Variants in ANKRD27 observed in about 807,000 individuals in gnomAD.
The protein encoded by ANKRD27 is ankyrin repeat domain 27.
A neutral mutation model predicts 129.7 loss-of-function variants in ANKRD27; 112 were observed. That is an observed-to-expected ratio of 0.86 (90% CI 0.74 to 1.01). The LOEUF (loss-of-function observed/expected upper bound fraction) is 1.01. Among genes scored for constraint, ANKRD27 ranks in the 50% least tolerant of loss-of-function variants. The probability of loss-of-function intolerance (pLI) is 0.00; values close to 1 mark genes in which losing one functional copy is unlikely to be tolerated. For synonymous variants in ANKRD27, 516 were observed against 511.2 expected (o/e 1.01, Z -0.13); for missense variants, 1,258 against 1,300.5 (o/e 0.97, Z 0.50).
Position 32,658,381 on chromosome 19 carries a change from C to T in ANKRD27, c.102+533G>A, listed in dbSNP as rs138556560. The stretch of plus-strand genomic sequence containing the variant: ...CAGCGTCTCCTGCCTGCTTCTCATT[C>T]CTGTTACCTGGCTGCCCCTGAAGGC... On this transcript the variant is annotated intron_variant, in intron 2 of 28. Coordinates refer to ENST00000306065, the MANE Select transcript of ANKRD27 (RefSeq NM_032139.3). 2.0e-4 allele frequency among the ~76,000 whole-genome samples: 31 copies of T among 152,136 alleles called. No homozygotes were observed. The East Asian group carries it at 4.3e-3, about 21-fold the overall frequency.
intron 17 of ANKRD27, among the ~76,000 whole-genome samples, chr19:32,623,096 C>T (rs975882154): frequency 2.0e-5 from 3 of 152,094 alleles, no homozygotes; most frequent in African/African-American, 7.2e-5. Context: ...TCAGCCAGGA[C>T]ACCTCATGCT....
At position 32,642,163 on chromosome 19, in the gene ANKRD27, A is replaced by T; in HGVS notation, c.783-18T>A. ...TGTTAAAGCTGTAAAATAATTTGGA[A>T]AGTGACAACTTCAGAGCACAGTAAG... On this transcript the variant is annotated intron_variant, in intron 9 of 28. Coordinates refer to ENST00000306065, the MANE Select transcript of ANKRD27 (RefSeq NM_032139.3). 1 of 1,571,918 alleles carries T rather than the reference A, an allele frequency of 6.4e-7. No individual in the cohort carries two copies. The highest frequency in any genetic ancestry group is 8.7e-7 in the Non-Finnish European group (1 of 1,153,458).
intron 1 of ANKRD27, among the ~76,000 whole-genome samples, chr19:32,671,261 C>T (rs1967864503): frequency 6.6e-6 from 1 of 150,760 alleles, no homozygotes; most frequent in Non-Finnish European, 1.5e-5. Context: ...GCACTCTAGC[C>T]TAGGCGACAG....
chr19:32,610,127 T>C (rs891124071), intron 22 of ANKRD27, among the ~76,000 whole-genome samples: 2 of 152,062 alleles, frequency 1.3e-5, no homozygotes, highest in East Asian at 1.9e-4. Context: ...CTGGCCAACA[T>C]GGTGAAACTC....
At position 32,628,204 on chromosome 19, in the gene ANKRD27, T is replaced by C. The variant is rs760481583; in HGVS notation, c.1338-39A>G. On this transcript the variant is annotated intron_variant, in intron 14 of 28. Transcript: ENST00000306065. ...AGAGATAGAAAACTACACAGGGGAA[T>C]GGCACAGCAAAGCCTCTCCCTGACC... 9 of 1,573,850 alleles carry C rather than the reference T, an allele frequency of 5.7e-6. No homozygotes were observed. The African/African-American group carries it at 1.1e-4, about 19-fold the overall frequency.
In ANKRD27 at chr19:32,608,370, A is replaced by G. The variant is rs186010056; in HGVS notation, c.2176-538T>C. Reference sequence around the variant, plus strand: ...AGCCTCCAAATTTCCTTTGAGGGGCATGGCCACAGCCCCGCAAAGGCGACG... The same window carrying G: ...AGCCTCCAAATTTCCTTTGAGGGGCGTGGCCACAGCCCCGCAAAGGCGACG... On this transcript the variant is annotated intron_variant, in intron 22 of 28. Transcript: ENST00000306065. 872 of 318,706 alleles carry G rather than the reference A, an allele frequency of 2.7e-3. 6 individuals carry two copies. The highest frequency in any genetic ancestry group is 0.01 in the African/African-American group (457 of 44,848). The allele number at this position is 318,706 out of a possible 1,614,324, so 19.7% of individuals were successfully genotyped here. A position where few individuals can be genotyped will look rare whatever the true frequency, so the allele number is the denominator to read the frequency against.
chr19:32,607,909 C>G, intron 22 of ANKRD27, 77 bp from the exon 23 acceptor site: 1 of 1,396,052 alleles, frequency 7.2e-7, no homozygotes, highest in Non-Finnish European at 9.9e-7. Flanking sequence ...GCACCATGTG[C>G]CCCCCACAGC....
rs554616792 is a variant in ANKRD27 at position 32,658,820 on chromosome 19, G to A, written c.102+94C>T. 6.3e-6 allele frequency: 7 copies of A among 1,117,146 alleles called. No individual in the cohort carries two copies. In the East Asian group the frequency reaches 1.4e-4, roughly 23 times the overall value. The allele number at this position is 1,117,146 out of a possible 1,614,324, so 69.2% of individuals were successfully genotyped here. ...CACTGCTGGGAGCTTGTTAAGCTGA[G>A]TTTATAACAAACTCCCTCCAAACTG... is the stretch of plus-strand genomic sequence containing the variant. On this transcript the variant is annotated intron_variant, in intron 2 of 28. Transcript: ENST00000306065.
chr19:32,620,111 G>A (rs1365859102), intron 18 of ANKRD27, among the ~76,000 whole-genome samples: 1 of 152,102 alleles, frequency 6.6e-6, no homozygotes, highest in Non-Finnish European at 1.5e-5. Flanking sequence ...AGTCAGCTCT[G>A]CCTGCCAGAA....
chr19:32,665,050 C>T (rs1193578212), intron 1 of ANKRD27, among the ~76,000 whole-genome samples: 1 of 151,770 alleles, frequency 6.6e-6, no homozygotes, highest in East Asian at 1.9e-4. Context: ...TTCATGTGCT[C>T]AATAGCCACT....
intron 18 of ANKRD27, among the ~76,000 whole-genome samples, chr19:32,621,312 T>A (rs905792065): frequency 6.6e-6 from 1 of 152,102 alleles, no homozygotes; most frequent in African/African-American, 2.4e-5. Context: ...TAAGATCTCA[T>A]CTCTATTACT....
At chr19:32,661,106 C>T (rs572174010) in intron 1 of ANKRD27, among the ~76,000 whole-genome samples, 112 of 150,814 alleles carry the variant, frequency 7.4e-4, no homozygotes, top group South Asian at 1.3e-3. Context: ...GAGGCTGGGG[C>T]AGGAGAATCA....
intron 12 of ANKRD27, 121 bp downstream of exon 12, chr19:32,639,235 G>C (rs1967147710): frequency 8.3e-7 from 1 of 1,208,916 alleles, no homozygotes; most frequent in African/African-American, 1.5e-5. Flanking sequence ...CCCTCAAACA[G>C]CTGAGGCCCC....
chr19:32,646,113 G>T (rs1967298470), intron 4 of ANKRD27, among the ~76,000 whole-genome samples: 3 of 152,026 alleles, frequency 2.0e-5, no homozygotes, highest in East Asian at 1.9e-4. Context: ...TGTATTTTTA[G>T]TAGAGATGGG....
At chr19:32,674,193 AT>A (rs1276366732) in intron 1 of ANKRD27, among the ~76,000 whole-genome samples, 1 of 152,132 alleles carries the variant, frequency 6.6e-6, no homozygotes, top group African/African-American at 2.4e-5. Context: ...AAGAAAAAAA[AT>A]ATCCACTGCT....
chr19:32,627,947 C>G (rs1366779723), intron 15 of ANKRD27, 136 bp downstream of exon 15: 2 of 768,146 alleles, frequency 2.6e-6, no homozygotes, highest in South Asian at 1.7e-5. Flanking sequence ...CCTTCCGGCC[C>G]TTGGAGGGTG....
intron 18 of ANKRD27, among the ~76,000 whole-genome samples, chr19:32,622,018 C>T (rs1004539297): frequency 3.3e-5 from 5 of 152,160 alleles, no homozygotes; most frequent in Non-Finnish European, 5.9e-5. Context: ...AAACCACACT[C>T]GATGTCCAGA....
At position 32,639,421 on chromosome 19, in the gene ANKRD27, A is replaced by G; in HGVS notation, c.1051T>C (p.Cys351Arg). The G allele has an allele frequency of 6.2e-7, 1 of 1,614,240 alleles. No homozygotes were observed. The highest frequency in any genetic ancestry group is 8.5e-7 in the Non-Finnish European group (1 of 1,180,038). ...SSLAKDELGY[C>R]LTSFEAAIEY... ...ATGGCAGCTTCGAATGAGGTCAGGC[A>G]GTATCCCAGTTCATCCTTTGCCAAG... Residue 351 changes from cysteine to arginine, a missense_variant, in exon 12 of 29, where the codon TGC (cysteine) becomes CGC (arginine). Coordinates refer to ENST00000306065, the MANE Select transcript of ANKRD27 (RefSeq NM_032139.3).
At chr19:32,611,677 G>A (rs972368766) in intron 22 of ANKRD27, among the ~76,000 whole-genome samples, 1 of 152,144 alleles carries the variant, frequency 6.6e-6, no homozygotes, top group African/African-American at 2.4e-5. Flanking sequence ...CGCCTCCTGG[G>A]TTCAAGCGAT....
Sources: gnomAD v4.1 joint callset for allele counts (sites outside exome capture counted in the v4.1 genomes callset) on GRCh38, gnomAD v4.1.1 for gene constraint, MANE v1.5 for transcripts, NCBI Gene and HGNC (gene_info 2026-07-23, HGNC 2026-07-21) for gene names.